MACROH2A2: variants seen among roughly 807,000 people sequenced by gnomAD.
MACROH2A2 encodes core histone macro-H2A.2.
A neutral mutation model predicts 37.6 loss-of-function variants in MACROH2A2; 6 were observed. The ratio of observed to expected loss-of-function variants is 0.16; its 90% CI spans 0.09 to 0.32. MACROH2A2 has a LOEUF of 0.32. Among genes scored for constraint, MACROH2A2 ranks in the 10% least tolerant of loss-of-function variants. The pLI, the probability that MACROH2A2 is intolerant of heterozygous loss-of-function variation, is 1.00. For missense variants in MACROH2A2, 290 were observed against 485.9 expected (o/e 0.60, Z 3.79); for synonymous variants, 192 against 202.7 (o/e 0.95, Z 0.45).
At chr10:70,096,533 C>T (rs993018852) in intron 6 of MACROH2A2, among the ~76,000 whole-genome samples, 14 of 152,166 alleles carry the variant, frequency 9.2e-5, no homozygotes, top group African/African-American at 2.2e-4. Context: ...ACCTGTCCCA[C>T]GAGTGGCAGA....
At chr10:70,091,003 T>C (rs2072241662) in intron 3 of MACROH2A2, among the ~76,000 whole-genome samples, 1 of 152,206 alleles carries the variant, frequency 6.6e-6, no homozygotes, top group Non-Finnish European at 1.5e-5. Flanking sequence ...TAACTTATAT[T>C]GATTGGGAGG....
At chr10:70,076,934 G>A (rs76107233) in intron 2 of MACROH2A2, among the ~76,000 whole-genome samples, 8,299 of 151,998 alleles carry the variant, frequency 0.055, 392 homozygotes, top group East Asian at 0.22. Context: ...CTTGATCCAC[G>A]GATCCAAGGA....
intron 1 of MACROH2A2, among the ~76,000 whole-genome samples, chr10:70,055,529 T>C (rs1464817598): frequency 6.7e-6 from 1 of 149,224 alleles, no homozygotes; most frequent in Non-Finnish European, 1.5e-5. Flanking sequence ...CTTAAACACC[T>C]CTAGATAGGG....
intron 7 of MACROH2A2, among the ~76,000 whole-genome samples, chr10:70,106,688 C>T (rs2072339730): frequency 6.6e-6 from 1 of 150,494 alleles, no homozygotes; most frequent in African/African-American, 2.5e-5. Flanking sequence ...ATCCCAGCCA[C>T]TTGGGAAGCT....
intron 1 of MACROH2A2, among the ~76,000 whole-genome samples, chr10:70,068,100 T>C (rs1011907118): frequency 7.3e-5 from 11 of 151,188 alleles, no homozygotes; most frequent in African/African-American, 2.7e-4. Context: ...TTTTGATTCC[T>C]TTTTGCTTTT....
chr10:70,068,907 A>G (rs2072093331), intron 1 of MACROH2A2, among the ~76,000 whole-genome samples: 1 of 152,228 alleles, frequency 6.6e-6, no homozygotes, highest in Non-Finnish European at 1.5e-5. Flanking sequence ...AGGGTCATAT[A>G]AATTTAACAA....
At chr10:70,072,933 G>T (rs1040573253) in intron 1 of MACROH2A2, among the ~76,000 whole-genome samples, 1 of 152,124 alleles carries the variant, frequency 6.6e-6, no homozygotes, top group Middle Eastern at 3.2e-3. Flanking sequence ...CTCCAGCCTA[G>T]GGGACAGAGC....
chr10:70,099,713 C>G (rs1038541207), intron 6 of MACROH2A2: 2 of 151,800 alleles, frequency 1.3e-5, no homozygotes, highest in Admixed American at 1.3e-4. Context: ...GCAGGAAAGT[C>G]CTTAGAGATT....
intron 1 of MACROH2A2, among the ~76,000 whole-genome samples, chr10:70,064,297 G>T (rs1415118718): frequency 6.6e-6 from 1 of 152,122 alleles, no homozygotes; most frequent in African/African-American, 2.4e-5. Flanking sequence ...TTGAACCCGG[G>T]GGACAGAGGT....
At chr10:70,077,114 G>A (rs186821799) in intron 2 of MACROH2A2, among the ~76,000 whole-genome samples, 3 of 152,282 alleles carry the variant, frequency 2.0e-5, no homozygotes, top group Admixed American at 6.5e-5. Flanking sequence ...GTGGGGTCAC[G>A]CAGGGATCTT....
At chr10:70,092,022 C>A (rs574876264) in intron 4 of MACROH2A2, 68 bp downstream of exon 4, 8 of 1,278,186 alleles carry the variant, frequency 6.3e-6, no homozygotes, top group Non-Finnish European at 8.9e-6. Context: ...TGTGTTCCCC[C>A]ACAATTCATA....
intron 2 of MACROH2A2, among the ~76,000 whole-genome samples, chr10:70,079,134 C>T (rs1040367841): frequency 6.6e-6 from 1 of 152,116 alleles, no homozygotes; most frequent in Non-Finnish European, 1.5e-5. Context: ...ACTTCGGGAA[C>T]TGCGGGTTGG....
In MACROH2A2 at chr10:70,100,219, GA is replaced by G; in HGVS notation, c.704del (p.Lys235ArgfsTer11). 1 of 1,601,686 alleles carries G rather than the reference GA, an allele frequency of 6.2e-7. No individual in the cohort carries two copies. On this transcript the variant is annotated frameshift_variant, in exon 7 of 9. Transcript: ENST00000373255. LOFTEE classifies it high-confidence loss of function. ...DLKEDIGKAL[E>X]KAGGKEFLET... ...GCTCTCCTTTGCAGGTAAAGCCTTGGAAAAGGCTGGGGGAAAAGAGTTCTTG... is the reference window on the plus strand; with the variant it reads ...GCTCTCCTTTGCAGGTAAAGCCTTGGAAAGGCTGGGGGAAAAGAGTTCTTG...
intron 5 of MACROH2A2, 71 bp from the exon 6 acceptor site, chr10:70,095,583 C>T (rs1294557123): frequency 1.3e-6 from 1 of 779,380 alleles, no homozygotes; most frequent in Non-Finnish European, 2.3e-6. Flanking sequence ...TTAATGAATG[C>T]AAGTAAAATA....
At chr10:70,087,619 C>T (rs1306302815) in intron 2 of MACROH2A2, among the ~76,000 whole-genome samples, 1 of 152,168 alleles carries the variant, frequency 6.6e-6, no homozygotes, top group African/African-American at 2.4e-5. Flanking sequence ...TTATCTAATA[C>T]AGCATTAATT....
intron 1 of MACROH2A2, among the ~76,000 whole-genome samples, chr10:70,059,261 CT>C: frequency 6.6e-6 from 1 of 152,174 alleles, no homozygotes; most frequent in Non-Finnish European, 1.5e-5. Context: ...CCCAGTGCTC[CT>C]TGGAGGCCCA....
chr10:70,100,344 T>C (rs750157307), intron 7 of MACROH2A2, 47 bp downstream of exon 7: 1 of 1,011,076 alleles, frequency 9.9e-7, no homozygotes, highest in Non-Finnish European at 1.6e-6. Context: ...CTCACCCTCC[T>C]CTCTGGAGTC....
chr10:70,094,823 T>C (rs2072265182), intron 5 of MACROH2A2, among the ~76,000 whole-genome samples: 1 of 152,118 alleles, frequency 6.6e-6, no homozygotes, highest in Non-Finnish European at 1.5e-5. Flanking sequence ...AAGACTGTGG[T>C]CTCCAAAGGG....
intron 1 of MACROH2A2, among the ~76,000 whole-genome samples, chr10:70,066,818 G>A (rs2072081692): frequency 6.6e-6 from 1 of 152,158 alleles, no homozygotes; most frequent in African/African-American, 2.4e-5. Context: ...GTCGCCACAA[G>A]CACACCTTCC....
Sources: allele counts gnomAD v4.1 joint callset (sites outside exome capture counted in the v4.1 genomes callset), GRCh38; gene constraint gnomAD v4.1.1; transcripts MANE v1.5; gene names NCBI Gene and HGNC (gene_info 2026-07-23, HGNC 2026-07-21).